Variants in EEFSEC observed in about 807,000 individuals in gnomAD.
EEFSEC encodes selenocysteine-specific elongation factor.
In EEFSEC, 43 loss-of-function variants were observed where a neutral mutation model predicts 42.1. That is an observed-to-expected ratio of 1.02 (90% confidence interval 0.80 to 1.32). The LOEUF is 1.32. Ranked by LOEUF, EEFSEC falls within the 40% of genes most tolerant of loss-of-function variation. The probability of loss-of-function intolerance (pLI) is 0.00; values close to 1 mark genes in which losing one functional copy is unlikely to be tolerated. For missense variants in EEFSEC, 745 were observed against 803.6 expected, an observed-to-expected ratio of 0.93 and a Z score of 0.88; for synonymous variants, 354 against 339.1, an observed-to-expected ratio of 1.04 and a Z score of -0.48.
chr3:128,201,634 C>T (rs1171265216), intron 1 of EEFSEC, among the ~76,000 whole-genome samples: 26 of 152,132 alleles, frequency 1.7e-4, no homozygotes, highest in Admixed American at 1.4e-3. Context: ...ATATATGTGT[C>T]GTGAATACCT....
intron 5 of EEFSEC, among the ~76,000 whole-genome samples, chr3:128,344,248 A>G (rs2067287259): frequency 1.3e-5 from 2 of 152,228 alleles, no homozygotes; most frequent in Non-Finnish European, 2.9e-5. Flanking sequence ...TCACCACTCT[A>G]CTGATTAAGC....
chr3:128,271,237 C>A (rs1294866470), intron 4 of EEFSEC, among the ~76,000 whole-genome samples: 1 of 152,168 alleles, frequency 6.6e-6, no homozygotes, highest in Non-Finnish European at 1.5e-5. Flanking sequence ...AGTGGAGATG[C>A]TCCCTGTGTC....
At chr3:128,161,937 C>T (rs2065192926) in intron 1 of EEFSEC, among the ~76,000 whole-genome samples, 1 of 152,186 alleles carries the variant, frequency 6.6e-6, no homozygotes, top group Non-Finnish European at 1.5e-5. Context: ...CCAGGTAGGC[C>T]TTGGTGTCCT....
chr3:128,395,850 C>A (rs1396256180), intron 6 of EEFSEC, among the ~76,000 whole-genome samples: 1 of 152,228 alleles, frequency 6.6e-6, no homozygotes, highest in African/African-American at 2.4e-5. Flanking sequence ...CTTTACCAAG[C>A]GCTTCCTGGA....
chr3:128,409,084 C>T (rs1246978485), downstream of EEFSEC, among the ~76,000 whole-genome samples: 4 of 152,222 alleles, frequency 2.6e-5, no homozygotes, highest in African/African-American at 9.6e-5. Flanking sequence ...CCATCCCCTG[C>T]ACCCACAGAC....
At chr3:128,233,188 G>C (rs1482149459) in intron 1 of EEFSEC, among the ~76,000 whole-genome samples, 1 of 152,174 alleles carries the variant, frequency 6.6e-6, no homozygotes, top group African/African-American at 2.4e-5. Context: ...TCCAGGCTCA[G>C]TGCTTCAGCA....
At chr3:128,309,495 C>T (rs1171190251) in intron 4 of EEFSEC, among the ~76,000 whole-genome samples, 3 of 152,138 alleles carry the variant, frequency 2.0e-5, no homozygotes, top group African/African-American at 7.2e-5. Context: ...AACCAGTGTA[C>T]CCAATGAGTA....
At chr3:128,396,262 C>T (rs111757409) in intron 6 of EEFSEC, among the ~76,000 whole-genome samples, 1 of 152,196 alleles carries the variant, frequency 6.6e-6, no homozygotes. Context: ...AGAAGAGAGA[C>T]AGCCCCTTCC....
At chr3:128,306,325 G>A (rs184429911) in intron 4 of EEFSEC, among the ~76,000 whole-genome samples, 2 of 152,140 alleles carry the variant, frequency 1.3e-5, no homozygotes, top group African/African-American at 4.8e-5. Context: ...TTTTTGCATT[G>A]CCTACAATTT....
At chr3:128,216,181 C>G (rs762475688) in intron 1 of EEFSEC, among the ~76,000 whole-genome samples, 1 of 152,180 alleles carries the variant, frequency 6.6e-6, no homozygotes, top group African/African-American at 2.4e-5. Context: ...GCTCAGGAAA[C>G]TGTTGATAAA....
chr3:128,225,109 C>T (rs1423093112), intron 1 of EEFSEC, among the ~76,000 whole-genome samples: 1 of 152,272 alleles, frequency 6.6e-6, no homozygotes, highest in African/African-American at 2.4e-5. Context: ...CTCCAGGAAG[C>T]CTCCCACCAG....
chr3:128,178,594 T>C (rs1321947476), intron 1 of EEFSEC, among the ~76,000 whole-genome samples: 1 of 152,150 alleles, frequency 6.6e-6, no homozygotes, highest in African/African-American at 2.4e-5. Flanking sequence ...AAGGACAAAA[T>C]GGCACTTTGT....
At chr3:128,421,859 T>C in the EEFSEC span, among the ~76,000 whole-genome samples, 64 of 152,312 alleles carry the variant, frequency 4.2e-4, no homozygotes, top group Non-Finnish European at 6.8e-4. Context: ...GGAGCTGGGC[T>C]GGGCCCAGTG....
At chr3:128,199,155 G>A (rs2065618057) in intron 1 of EEFSEC, among the ~76,000 whole-genome samples, 2 of 152,112 alleles carry the variant, frequency 1.3e-5, no homozygotes, top group African/African-American at 4.8e-5. Context: ...TTTCAAGTGT[G>A]TGCATTTTTT....
At chr3:128,367,178 C>T (rs2107600545) in intron 6 of EEFSEC, among the ~76,000 whole-genome samples, 1 of 152,322 alleles carries the variant, frequency 6.6e-6, no homozygotes, top group South Asian at 2.1e-4. Context: ...AAGGCCCTGC[C>T]TCCAAATACA....
the EEFSEC span, among the ~76,000 whole-genome samples, chr3:128,420,745 C>T: frequency 6.6e-6 from 1 of 152,186 alleles, no homozygotes; most frequent in African/African-American, 2.4e-5. Context: ...TACTTCTCTT[C>T]CCTCCCTCCA....
chr3:128,400,304 G>A (rs1008897925), intron 6 of EEFSEC, among the ~76,000 whole-genome samples: 34 of 152,188 alleles, frequency 2.2e-4, no homozygotes, highest in African/African-American at 8.2e-4. Context: ...CACCCCAGCT[G>A]CCCCATGGCC....
At chr3:128,312,562 A>G (rs923877168) in intron 4 of EEFSEC, among the ~76,000 whole-genome samples, 45 of 152,268 alleles carry the variant, frequency 3.0e-4, no homozygotes, top group Admixed American at 6.5e-5. Flanking sequence ...CCAAGGAAGG[A>G]CAGAGGCGTC....
chr3:128,349,684 G>A (rs2067359845), intron 5 of EEFSEC, among the ~76,000 whole-genome samples: 1 of 152,200 alleles, frequency 6.6e-6, no homozygotes. Context: ...CTCCACCCCA[G>A]TAATTTTCTG....
Sources: allele counts gnomAD v4.1 joint callset (sites outside exome capture counted in the v4.1 genomes callset), GRCh38; gene constraint gnomAD v4.1.1; transcripts MANE v1.5; gene names NCBI Gene and HGNC (gene_info 2026-07-23, HGNC 2026-07-21).